The following SYNE1 variants were observed in gnomAD, a reference collection of about 807,000 sequenced individuals.
SYNE1 encodes the protein spectrin repeat containing nuclear envelope protein 1, also known as nesprin-1.
A neutral mutation model predicts 1,111.0 loss-of-function variants in SYNE1; 616 were observed. That is an observed-to-expected ratio of 0.55 (90% confidence interval 0.52 to 0.59). SYNE1 has a LOEUF of 0.59. SYNE1 is among the 20% of genes least tolerant of loss of function. The probability of loss-of-function intolerance (pLI) is 0.00; values close to 1 mark genes in which losing one functional copy is unlikely to be tolerated. For synonymous variants in SYNE1, 3,855 were observed against 3,825.8 expected (o/e 1.01, Z -0.28); for missense variants, 10,006 against 10,417.0 (o/e 0.96, Z 1.72).
intron 2 of SYNE1, among the ~76,000 whole-genome samples, chr6:152,629,820 T>G: frequency 6.6e-6 from 1 of 151,460 alleles, no homozygotes; most frequent in Non-Finnish European, 1.5e-5. Flanking sequence ...AAAAAAGGAA[T>G]GGGGGAAGAG....
At chr6:152,350,360 G>C in intron 71 of SYNE1, 25 bp from the exon 72 acceptor site, 1 of 1,614,014 alleles carries the variant, frequency 6.2e-7, no homozygotes, top group Non-Finnish European at 8.5e-7. Context: ...GTCCATCAGA[G>C]ATGACTTTCA....
intron 140 of SYNE1, among the ~76,000 whole-genome samples, chr6:152,138,615 A>G (rs1307981097): frequency 6.6e-6 from 1 of 152,108 alleles, no homozygotes; most frequent in Non-Finnish European, 1.5e-5. Context: ...AACCCCAAAT[A>G]AAAAGCATAT....
chr6:152,503,899 A>G (rs1312673004), intron 9 of SYNE1, among the ~76,000 whole-genome samples: 4 of 152,204 alleles, frequency 2.6e-5, no homozygotes, highest in Non-Finnish European at 4.4e-5. Flanking sequence ...AATTATTATA[A>G]TAGCTTTTGG....
rs149670417 is a variant in SYNE1, at chr6:152,463,467, G to T, written c.1983C>A (p.Asn661Lys). The T allele has an allele frequency of 1.2e-6, 2 of 1,613,568 alleles. No homozygotes were observed. Among genetic ancestry groups the T allele is most frequent in the Non-Finnish European group, 1.7e-6 (2 of 1,179,720 alleles). The change falls in exon 19 of 146, where the codon AAC becomes AAA. Residue 661 changes from asparagine to lysine, a missense_variant. Asn to Lys is a moderately conservative substitution (Grantham distance 94). Coordinates refer to ENST00000367255, the MANE Select transcript of SYNE1 (RefSeq NM_182961.4). ...TTTCAATTAGAAAATTGCCAGCATC[G>T]TTCATGGCAGTATGCTGCTGAATCC... The part of the protein sequence containing the change: ...PHWIQQHTAM[N>K]DAGNFLIETC...
At chr6:152,264,682 C>A (rs2092492871) in intron 100 of SYNE1, among the ~76,000 whole-genome samples, 2 of 152,146 alleles carry the variant, frequency 1.3e-5, no homozygotes, top group Non-Finnish European at 2.9e-5. Flanking sequence ...TGCCGGTAGT[C>A]CCAGCTACTT....
intron 91 of SYNE1, among the ~76,000 whole-genome samples, chr6:152,307,566 A>C (rs1018079182): frequency 2.9e-4 from 44 of 151,982 alleles, no homozygotes; most frequent in African/African-American, 1.0e-3. Context: ...CCTATATGGA[A>C]TTGACAGGTC....
intron 9 of SYNE1, among the ~76,000 whole-genome samples, chr6:152,504,255 G>A (rs2099045534): frequency 6.6e-6 from 1 of 152,168 alleles, no homozygotes; most frequent in Non-Finnish European, 1.5e-5. Context: ...GGTGGGGGCA[G>A]AGTGGGACTC....
In SYNE1 at chr6:152,330,386, C is replaced by G; in HGVS notation, c.14299G>C (p.Glu4767Gln). The G allele has an allele frequency of 1.2e-6, 2 of 1,614,156 alleles. No homozygotes were observed. The highest frequency in any genetic ancestry group is 1.7e-6 in the Non-Finnish European group (2 of 1,180,044). ...TCTTCTAATAAGCTAACCCTCTGTT[C>G]TGTTTGTCGCTTCAGCCTGTGATAT... is the stretch of plus-strand genomic sequence containing the variant. ...TLYHRLKRQT[E>Q]QRVSLLEDTT... Residue 4767 changes from glutamate (E) to glutamine (Q), a missense_variant, in exon 78 of 146, where the codon GAA becomes CAA. Coordinates refer to ENST00000367255, the MANE Select transcript of SYNE1 (RefSeq NM_182961.4).
intron 6 of SYNE1, chr6:152,511,712 T>C: frequency 2.0e-6 from 2 of 1,020,188 alleles, no homozygotes; most frequent in Admixed American, 2.0e-5. Context: ...ACTGTGGTAA[T>C]ACGTTTTAAA....
chr6:152,419,868 C>G, intron 39 of SYNE1, 146 bp from the exon 40 acceptor site: 5 of 812,762 alleles, frequency 6.2e-6, no homozygotes, highest in Non-Finnish European at 9.9e-6. Context: ...TTTTACTTCC[C>G]AAACCCTGCT....
intron 3 of SYNE1, among the ~76,000 whole-genome samples, chr6:152,542,387 A>G (rs2099275530): frequency 6.6e-6 from 1 of 152,242 alleles, no homozygotes; most frequent in Non-Finnish European, 1.5e-5. Flanking sequence ...TCAAGTGTAT[A>G]TAAAAAACAA....
At chr6:152,635,531 A>G (rs566258801) in intron 2 of SYNE1, among the ~76,000 whole-genome samples, 5 of 152,314 alleles carry the variant, frequency 3.3e-5, no homozygotes, top group Admixed American at 2.6e-4. Context: ...TCAAAGAACA[A>G]TCGTCATGAC....
At chr6:152,335,496 A>T (rs965406646) in intron 76 of SYNE1, 3 of 152,166 alleles carry the variant, frequency 2.0e-5, no homozygotes, top group African/African-American at 7.2e-5. Context: ...AAATTTTTTT[A>T]AAAAAGAGTT....
At chr6:152,350,421 T>C in intron 71 of SYNE1, 86 bp from the exon 72 acceptor site, 1 of 1,556,670 alleles carries the variant, frequency 6.4e-7, no homozygotes, top group Non-Finnish European at 8.8e-7. Context: ...CCAGTGCAAC[T>C]CACAGGGTAG....
intron 14 of SYNE1, chr6:152,481,107 A>G: frequency 9.1e-6 from 2 of 220,818 alleles, no homozygotes; most frequent in East Asian, 2.3e-4. Context: ...GTGTGCCTTG[A>G]ATTAATATTT....
Position 152,182,939 on chromosome 6 carries a change from C to G in SYNE1, c.23302-2645G>C, listed in dbSNP as rs76956138. On this transcript the variant is annotated intron_variant, in intron 128 of 145. Coordinates refer to ENST00000367255, the MANE Select transcript of SYNE1 (RefSeq NM_182961.4). ...TCCCCATTAGTATAATTTAGTTTCT[C>G]ATTGAGGTTTTTGGAGGCAGAATAA... Among the ~76,000 whole-genome samples the G allele has an allele frequency of 3.7e-3, 560 of 152,140 alleles. 5 individuals are homozygous for G. The highest frequency in any genetic ancestry group is 0.013 in the African/African-American group (536 of 41,472).
rs143158008 is a variant in SYNE1 at position 152,193,829 on chromosome 6, G to A, written c.23146-4422C>T. 2.1e-3 allele frequency among the ~76,000 whole-genome samples: 313 copies of A among 151,854 alleles called. 4 individuals are homozygous for A. The highest frequency in any genetic ancestry group is 7.3e-3 in the African/African-American group (303 of 41,440). On this transcript the variant is annotated intron_variant, in intron 127 of 145. Transcript: ENST00000367255. ...GATCGAAACCATCCTGACTAACACG[G>A]TGAAACCCTGTCTCTACTAAAAAAA...
chr6:152,247,877 C>T (rs1281170582), intron 105 of SYNE1, among the ~76,000 whole-genome samples: 2 of 151,430 alleles, frequency 1.3e-5, no homozygotes, highest in Admixed American at 1.3e-4. Context: ...CACACACACA[C>T]ACACACACAC....
At position 152,364,897 on chromosome 6, in the gene SYNE1, A is replaced by C. The variant is rs745843844; in HGVS notation, c.10095T>G (p.Ser3365Arg). The C allele has an allele frequency of 1.2e-6, 2 of 1,614,126 alleles. No homozygotes were observed. Among genetic ancestry groups the C allele is most frequent in the Non-Finnish European group, 1.7e-6 (2 of 1,180,030 alleles). The change falls in exon 63 of 146, where the codon AGT becomes AGG. Residue 3365 changes from serine to arginine, a missense_variant. By Grantham distance (110) the Ser-to-Arg change is moderately radical (BLOSUM62 -1). This residue lies in a region of SYNE1 where 4,955 missense variants were observed against 5,017.2 expected (regional missense o/e 0.99). Coordinates refer to ENST00000367255, the MANE Select transcript of SYNE1 (RefSeq NM_182961.4). ...AAAGGGATGCCCACATATCCTTCACACTCTGCAGCTGCTGCTGAATAGTGG... is the reference window on the plus strand; with the variant it reads ...AAAGGGATGCCCACATATCCTTCACCCTCTGCAGCTGCTGCTGAATAGTGG... ...GIPTIQQQLQ[S>R]VKDMWASLLS...
Sources: allele counts gnomAD v4.1 joint callset (sites outside exome capture counted in the v4.1 genomes callset), GRCh38; gene constraint gnomAD v4.1.1; regional missense constraint gnomAD v4.1.1; transcripts MANE v1.5; gene names NCBI Gene and HGNC (gene_info 2026-07-23, HGNC 2026-07-21).